Variants in MAGI2 observed in about 807,000 individuals in gnomAD.
MAGI2 encodes the protein membrane-associated guanylate kinase, WW and PDZ domain-containing protein 2.
In MAGI2, 35 loss-of-function variants were observed where a neutral mutation model predicts 133.3. That is an observed-to-expected ratio of 0.26 (90% CI 0.20 to 0.35). The LOEUF (loss-of-function observed/expected upper bound fraction) is 0.35, where lower values mean the gene tolerates loss of function less well. MAGI2 is among the 10% of genes least tolerant of loss of function. The pLI is 1.00. For missense variants in MAGI2, 1,636 were observed against 1,863.4 expected (o/e 0.88, Z 2.25); for synonymous variants, 729 against 710.6 (o/e 1.03, Z -0.41).
In MAGI2 at chr7:79,225,656, T is replaced by C. The variant is rs550805415; in HGVS notation, c.302-218450A>G. On this transcript the variant is annotated intron_variant, in intron 1 of 21. Transcript: ENST00000354212. ...TGTAATAGTTCTTTTGCCTTTTTAATATTTTGAGCAAATTTTTAAAATCTC... is the reference window on the plus strand; with the variant it reads ...TGTAATAGTTCTTTTGCCTTTTTAACATTTTGAGCAAATTTTTAAAATCTC... Among the ~76,000 whole-genome samples, 6 of 152,322 alleles carry C rather than the reference T, an allele frequency of 3.9e-5. No individual in the cohort carries two copies. The South Asian group carries it at 6.2e-4, about 16-fold the overall frequency.
chr7:79,304,074 C>G (rs1356097766), intron 1 of MAGI2, among the ~76,000 whole-genome samples: 2 of 151,968 alleles, frequency 1.3e-5, no homozygotes, highest in Admixed American at 6.6e-5. Context: ...TTTATTGACA[C>G]CACCAGTTAT....
chr7:78,426,940 C>T (rs182315288), intron 6 of MAGI2, among the ~76,000 whole-genome samples: 103 of 152,248 alleles, frequency 6.8e-4, no homozygotes, highest in African/African-American at 2.2e-3. Context: ...TATGTACGCA[C>T]GTGTAATACA....
At chr7:79,097,661 T>TA (rs1232640212) in intron 1 of MAGI2, among the ~76,000 whole-genome samples, 1 of 152,144 alleles carries the variant, frequency 6.6e-6, no homozygotes, top group African/African-American at 2.4e-5. Flanking sequence ...GTACTGCATA[T>TA]AGGAAAAACC....
At position 79,284,781 on chromosome 7, in the gene MAGI2, C is replaced by T. The variant is rs1585427064; in HGVS notation, c.301+168239G>A. 2.0e-5 allele frequency among the ~76,000 whole-genome samples: 3 copies of T among 151,868 alleles called. No homozygotes were observed. In the South Asian group the frequency reaches 6.2e-4, roughly 31 times the overall value. The stretch of plus-strand genomic sequence containing the variant: ...GCATACATACAAACATATGTTTGCC[C>T]CCTTAGCATGGTCTATGTTTTTAAA... On this transcript the variant is annotated intron_variant, in intron 1 of 21. Coordinates refer to ENST00000354212, the MANE Select transcript of MAGI2 (RefSeq NM_012301.4).
At chr7:78,755,164 T>G (rs937695808) in intron 2 of MAGI2, among the ~76,000 whole-genome samples, 3 of 152,174 alleles carry the variant, frequency 2.0e-5, no homozygotes, top group Non-Finnish European at 2.9e-5. Flanking sequence ...GGGTAAGAAT[T>G]TATCAGAACG....
intron 16 of MAGI2, among the ~76,000 whole-genome samples, chr7:78,135,628 C>A (rs910497993): frequency 1.3e-5 from 2 of 152,142 alleles, no homozygotes; most frequent in Non-Finnish European, 2.9e-5. Flanking sequence ...CCCATGAGCT[C>A]ATATTCTAGG....
intron 2 of MAGI2, among the ~76,000 whole-genome samples, chr7:78,911,625 A>C (rs1044710205): frequency 6.6e-6 from 1 of 151,814 alleles, no homozygotes; most frequent in Non-Finnish European, 1.5e-5. Flanking sequence ...TAAGGGAATA[A>C]GGCAGTATCT....
chr7:79,057,435 A>G (rs1813250011), intron 1 of MAGI2, among the ~76,000 whole-genome samples: 1 of 152,216 alleles, frequency 6.6e-6, no homozygotes, highest in Non-Finnish European at 1.5e-5. Flanking sequence ...TTGAGCAAAT[A>G]CATTTTAGAA....
chr7:78,122,159 C>T (rs182183545), intron 20 of MAGI2, among the ~76,000 whole-genome samples: 4 of 152,160 alleles, frequency 2.6e-5, no homozygotes, highest in African/African-American at 9.7e-5. Flanking sequence ...AGAATGAAAT[C>T]ATGGGAGCTT....
intron 1 of MAGI2, among the ~76,000 whole-genome samples, chr7:79,361,622 C>T (rs1262174018): frequency 1.3e-5 from 2 of 152,154 alleles, no homozygotes; most frequent in African/African-American, 4.8e-5. Flanking sequence ...CTCTATCCAA[C>T]AACAGCAGAA....
chr7:79,306,820 A>G (rs1034167276), intron 1 of MAGI2, among the ~76,000 whole-genome samples: 1 of 147,530 alleles, frequency 6.8e-6, no homozygotes, highest in African/African-American at 2.5e-5. Context: ...TTTCTGAAGA[A>G]TTTTTTTTTT....
intron 2 of MAGI2, among the ~76,000 whole-genome samples, chr7:78,868,262 A>T (rs1447957243): frequency 6.6e-6 from 1 of 152,214 alleles, no homozygotes; most frequent in East Asian, 1.9e-4. Context: ...AATAACCAAC[A>T]CTGAATGCCT....
intron 9 of MAGI2, among the ~76,000 whole-genome samples, chr7:78,320,750 A>G (rs536677653): frequency 6.6e-6 from 1 of 152,302 alleles, no homozygotes; most frequent in African/African-American, 2.4e-5. Flanking sequence ...CTTATTCAAC[A>G]TAGTACTGGA....
chr7:78,568,135 T>G (rs1801139082), intron 3 of MAGI2: 1 of 152,344 alleles, frequency 6.6e-6, no homozygotes, highest in Admixed American at 6.5e-5. Flanking sequence ...TCTGGCTTCT[T>G]CTCTTCTCTC....
At chr7:78,434,960 C>A (rs1436571114) in intron 6 of MAGI2, among the ~76,000 whole-genome samples, 1 of 152,126 alleles carries the variant, frequency 6.6e-6, no homozygotes, top group Non-Finnish European at 1.5e-5. Flanking sequence ...TGCCTCCTAT[C>A]CCTCTGCATG....
At chr7:78,326,148 T>C (rs1788560935) in intron 9 of MAGI2, among the ~76,000 whole-genome samples, 1 of 152,218 alleles carries the variant, frequency 6.6e-6, no homozygotes, top group Admixed American at 6.5e-5. Context: ...ACTGCTTTCA[T>C]CTTATAAGAA....
chr7:78,555,205 GATAGATAGATAGATAGACAGATA>G (rs1171971147), intron 3 of MAGI2, among the ~76,000 whole-genome samples: 1 of 114,132 alleles, frequency 8.8e-6, no homozygotes, highest in African/African-American at 4.0e-5. Context: ...TGGATGGATA[GATAGATAGATAGATAGACAGATA>G]GATAGATAGA....
At chr7:78,429,537 T>C (rs1200897752) in intron 6 of MAGI2, among the ~76,000 whole-genome samples, 3 of 152,142 alleles carry the variant, frequency 2.0e-5, no homozygotes, top group Admixed American at 6.6e-5. Flanking sequence ...ACCCACAGCC[T>C]TGGCCTCATT....
chr7:78,517,218 A>C (rs976474705), intron 4 of MAGI2, among the ~76,000 whole-genome samples: 1 of 137,988 alleles, frequency 7.2e-6, no homozygotes, highest in Non-Finnish European at 1.7e-5. Flanking sequence ...ACATCGGTTC[A>C]AAAACAATCT....
Sources: gnomAD v4.1 joint callset for allele counts (sites outside exome capture counted in the v4.1 genomes callset) on GRCh38, gnomAD v4.1.1 for gene constraint, MANE v1.5 for transcripts, NCBI Gene and HGNC (gene_info 2026-07-23, HGNC 2026-07-21) for gene names.